The following PKN2 variants were observed in gnomAD, a reference collection of about 807,000 sequenced individuals.
The protein encoded by PKN2 is serine/threonine-protein kinase N2.
In PKN2, 38 loss-of-function variants were observed where a neutral mutation model predicts 119.1. The ratio of observed to expected loss-of-function variants is 0.32; its 90% CI spans 0.25 to 0.42. The LOEUF is 0.42. PKN2 is among the 10% of genes least tolerant of loss of function. The pLI is 1.00. For missense variants in PKN2, 850 were observed against 1,165.1 expected (o/e 0.73, Z 3.94); for synonymous variants, 390 against 384.9 (o/e 1.01, Z -0.15).
At chr1:88,700,841 G>A (rs949869735) in intron 1 of PKN2, among the ~76,000 whole-genome samples, 4 of 152,178 alleles carry the variant, frequency 2.6e-5, no homozygotes, top group Non-Finnish European at 4.4e-5. Flanking sequence ...GCTGATTAAT[G>A]TTTGTTGAGT....
chr1:88,805,784 G>A, intron 11 of PKN2, 107 bp from the exon 12 acceptor site: 1 of 1,603,846 alleles, frequency 6.2e-7, no homozygotes, highest in Non-Finnish European at 8.5e-7. Context: ...TATTTTGAAA[G>A]TAGTGTTCTG....
At chr1:88,768,552 A>G (rs533549107) in intron 3 of PKN2, among the ~76,000 whole-genome samples, 22 of 152,324 alleles carry the variant, frequency 1.4e-4, no homozygotes, top group South Asian at 4.1e-4. Context: ...ATCAAGGACA[A>G]TCTCTGTATT....
intron 19 of PKN2, 48 bp downstream of exon 19, chr1:88,828,671 T>A (rs766789887): frequency 6.7e-7 from 1 of 1,501,958 alleles, no homozygotes. Context: ...ATGATTGAAA[T>A]AATAAAGCAT....
At chr1:88,718,160 T>C (rs554849627) in intron 1 of PKN2, among the ~76,000 whole-genome samples, 6 of 152,294 alleles carry the variant, frequency 3.9e-5, no homozygotes, top group African/African-American at 1.2e-4. Flanking sequence ...GAACAGCAAA[T>C]GTTGCTGCCT....
chr1:88,807,230 A>G, intron 12 of PKN2, 83 bp from the exon 13 acceptor site: 2 of 957,834 alleles, frequency 2.1e-6, no homozygotes, highest in Non-Finnish European at 3.0e-6. Context: ...GACTTTTGAA[A>G]TGTTTTTCCT....
Position 88,833,481 on chromosome 1 carries a change from C to T in PKN2, c.*33C>T. On this transcript the variant is annotated 3_prime_UTR_variant, in exon 22 of 22. Transcript: ENST00000370521. ...GACACTGCGAAACCAAGCTGACTCA[C>T]AAGAAGACCTCTTAAAAATAGCAAC... 6.5e-7 allele frequency: 1 copy of T among 1,547,068 alleles called. No homozygotes were observed. Among genetic ancestry groups the T allele is most frequent in the Non-Finnish European group, 8.9e-7 (1 of 1,121,570 alleles).
intron 15 of PKN2, among the ~76,000 whole-genome samples, chr1:88,812,592 C>T (rs1001124695): frequency 1.3e-5 from 2 of 151,982 alleles, no homozygotes; most frequent in South Asian, 2.1e-4. Flanking sequence ...AAATAAAAGC[C>T]AGGCATGGTA....
At chr1:88,723,807 C>T (rs767595789) in intron 1 of PKN2, among the ~76,000 whole-genome samples, 11 of 152,166 alleles carry the variant, frequency 7.2e-5, no homozygotes, top group Non-Finnish European at 1.5e-4. Context: ...GTTTTAAAAT[C>T]TAAAAGGCAT....
chr1:88,776,253 G>A (rs929505403), intron 6 of PKN2, among the ~76,000 whole-genome samples: 8 of 24,614 alleles, frequency 3.3e-4, no homozygotes, highest in Admixed American at 2.2e-3. Context: ...CCCCCACCCC[G>A]CCCCACCCGT....
At chr1:88,722,145 G>A (rs1667704940) in intron 1 of PKN2, among the ~76,000 whole-genome samples, 1 of 152,136 alleles carries the variant, frequency 6.6e-6, no homozygotes, top group African/African-American at 2.4e-5. Context: ...AATTATTTCT[G>A]TTTCAAGCAC....
rs746109655 is a variant in PKN2, at chr1:88,807,568, G to C, written c.1974G>C (p.Arg658Ser). The C allele has an allele frequency of 1.9e-6, 3 of 1,612,656 alleles. No homozygotes were observed. In the South Asian group the frequency reaches 3.3e-5, roughly 18 times the overall value. Residue 658 changes from arginine to serine, a missense_variant, in exon 14 of 22, where the codon AGG becomes AGC. By Grantham distance (110) the Arg-to-Ser change is moderately radical. Coordinates refer to ENST00000370521, the MANE Select transcript of PKN2 (RefSeq NM_006256.4). ...TTCAGTTTAATCTACAAGATTTCAGGTGTTGTGCTGTCTTGGGAAGAGGAC... is the reference window on the plus strand; with the variant it reads ...TTCAGTTTAATCTACAAGATTTCAGCTGTTGTGCTGTCTTGGGAAGAGGAC... ...QRFQFNLQDF[R>S]CCAVLGRGHF...
At chr1:88,690,175 T>G (rs1006488856) in intron 1 of PKN2, among the ~76,000 whole-genome samples, 8 of 152,230 alleles carry the variant, frequency 5.3e-5, no homozygotes, top group African/African-American at 1.9e-4. Flanking sequence ...GGGCACCTTT[T>G]AGACATCATC....
At chr1:88,713,547 A>G (rs1346499117) in intron 1 of PKN2, among the ~76,000 whole-genome samples, 2 of 152,016 alleles carry the variant, frequency 1.3e-5, no homozygotes, top group African/African-American at 2.4e-5. Context: ...GCTTTTTTTC[A>G]TGTGTCCGTT....
chr1:88,771,163 C>T (rs959168666), intron 4 of PKN2, among the ~76,000 whole-genome samples: 8 of 151,894 alleles, frequency 5.3e-5, no homozygotes, highest in African/African-American at 9.7e-5. Context: ...TAGAAACTTT[C>T]GGTCTCCCCA....
chr1:88,827,879 C>T (rs535620615), intron 18 of PKN2, among the ~76,000 whole-genome samples: 1 of 151,718 alleles, frequency 6.6e-6, no homozygotes, highest in Non-Finnish European at 1.5e-5. Context: ...GCCACCATGC[C>T]CGGCTAATTT....
intron 1 of PKN2, among the ~76,000 whole-genome samples, chr1:88,716,891 G>A (rs1221761714): frequency 6.6e-6 from 1 of 152,070 alleles, no homozygotes; most frequent in Non-Finnish European, 1.5e-5. Flanking sequence ...TCCTATCATC[G>A]ATGGTCTTTA....
chr1:88,766,754 C>T (rs187784557), intron 3 of PKN2, among the ~76,000 whole-genome samples: 24 of 152,266 alleles, frequency 1.6e-4, no homozygotes, highest in Middle Eastern at 3.4e-3. Flanking sequence ...TTCCCTTGTA[C>T]ATATTATGTG....
At position 88,828,578 on chromosome 1, in the gene PKN2, T is replaced by C; in HGVS notation, c.2517T>C (p.Asp839=). Residue 839 remains aspartate (D), a synonymous_variant, in exon 19 of 22, where the codon GAT becomes GAC. Transcript: ENST00000370521. Reference sequence around the variant, plus strand: ...AAACTTCTTATACAAGGGCTGTAGATTGGTGGGGCCTTGGCGTGCTTATAT... The same window carrying C: ...AAACTTCTTATACAAGGGCTGTAGACTGGTGGGGCCTTGGCGTGCTTATAT... ...LTETSYTRAV[D]WWGLGVLIYE... The C allele has an allele frequency of 6.2e-7, 1 of 1,613,636 alleles. No individual in the cohort carries two copies.
intron 2 of PKN2, among the ~76,000 whole-genome samples, chr1:88,756,023 C>A (rs1294077403): frequency 6.6e-6 from 1 of 151,824 alleles, no homozygotes; most frequent in Non-Finnish European, 1.5e-5. Flanking sequence ...AGCAATTCTC[C>A]TGCTCAGCCT....
Sources: allele counts gnomAD v4.1 joint callset (sites outside exome capture counted in the v4.1 genomes callset), GRCh38; gene constraint gnomAD v4.1.1; transcripts MANE v1.5; gene names NCBI Gene and HGNC (gene_info 2026-07-23, HGNC 2026-07-21).